IL1RAPL2: variants seen among roughly 807,000 people sequenced by gnomAD.
IL1RAPL2 encodes the protein interleukin 1 receptor accessory protein like 2, also known as X-linked interleukin-1 receptor accessory protein-like 2.
In IL1RAPL2, 3 loss-of-function variants were observed where a neutral mutation model predicts 44.1. That is an observed-to-expected ratio of 0.07 (90% CI 0.03 to 0.18). The LOEUF (loss-of-function observed/expected upper bound fraction) is 0.18. Among genes scored for constraint, IL1RAPL2 ranks in the 10% least tolerant of loss-of-function variants. The pLI is 1.00. For synonymous variants in IL1RAPL2, 181 were observed against 178.8 expected (o/e 1.01, Z -0.10); for missense variants, 391 against 496.4 (o/e 0.79, Z 2.02).
chrX:105,608,697 A>C (rs2037313613), intron 6 of IL1RAPL2, among the ~76,000 whole-genome samples: 1 of 112,370 alleles, frequency 8.9e-6, no homozygotes. Flanking sequence ...AGCACAAATT[A>C]GAAAACCTTC....
intron 5 of IL1RAPL2, among the ~76,000 whole-genome samples, chrX:105,340,808 A>G (rs1030483298): frequency 2.7e-5 from 3 of 111,819 alleles, no homozygotes; most frequent in Admixed American, 1.9e-4. Flanking sequence ...TCTTTGATGC[A>G]TATCATTTGT....
Position 105,717,395 on chromosome X carries a change from A to G in IL1RAPL2, c.801A>G (p.Ala267=). ...LGKPLNIPCK[A]FFGFSGESGP... The stretch of plus-strand genomic sequence containing the variant: ...AGCCTCTGAACATCCCCTGCAAAGC[A>G]TTCTTCGGATTCAGTGGAGAGTCTG... The change falls in exon 7 of 11, where the codon GCA becomes GCG. Residue 267 remains alanine, a synonymous_variant. Transcript: ENST00000372582. 8.3e-7 allele frequency: 1 copy of G among 1,202,308 alleles called. No homozygotes were observed. The highest frequency in any genetic ancestry group is 1.1e-6 in the Non-Finnish European group (1 of 889,783).
chrX:105,350,104 A>G (rs746202822), intron 5 of IL1RAPL2, among the ~76,000 whole-genome samples: 8 of 112,158 alleles, frequency 7.1e-5, no homozygotes, highest in African/African-American at 2.6e-4. Context: ...TTATGCCTCA[A>G]CTTTGGTGAT....
In IL1RAPL2 at chrX:105,116,975, A is replaced by G. The variant is rs921144946; in HGVS notation, c.83-78500A>G. Among the ~76,000 whole-genome samples, 7 of 112,427 alleles carry G rather than the reference A, an allele frequency of 6.2e-5. No homozygotes were observed. The East Asian group carries it at 2.0e-3, about 32-fold the overall frequency. Reference sequence around the variant, plus strand: ...CTCTTAAAATGTTAAGTTTTTCCCTAGAGAGCAATCTAGTACAATGAAATC... The same window carrying G: ...CTCTTAAAATGTTAAGTTTTTCCCTGGAGAGCAATCTAGTACAATGAAATC... On this transcript the variant is annotated intron_variant, in intron 2 of 10. Coordinates refer to ENST00000372582, the MANE Select transcript of IL1RAPL2 (RefSeq NM_017416.2).
At chrX:104,678,102 G>A (rs1056282408) in intron 2 of IL1RAPL2, among the ~76,000 whole-genome samples, 6 of 112,299 alleles carry the variant, frequency 5.3e-5, no homozygotes, top group East Asian at 2.8e-4. Context: ...GTTCCTATTC[G>A]GCCATCTTGG....
chrX:105,246,110 GCT>G (rs1269701160), intron 4 of IL1RAPL2, among the ~76,000 whole-genome samples: 1 of 112,071 alleles, frequency 8.9e-6, no homozygotes, highest in African/African-American at 3.2e-5. Flanking sequence ...TGAGTAAATA[GCT>G]CTTTCTCAAC....
At chrX:105,606,583 C>T (rs2037293998) in intron 6 of IL1RAPL2, among the ~76,000 whole-genome samples, 1 of 111,384 alleles carries the variant, frequency 9.0e-6, no homozygotes, top group African/African-American at 3.3e-5. Flanking sequence ...ATCAATGTAT[C>T]AAAGAGATAT....
chrX:104,628,217 A>G (rs1929557299), intron 1 of IL1RAPL2, among the ~76,000 whole-genome samples: 1 of 111,081 alleles, frequency 9.0e-6, no homozygotes, highest in Non-Finnish European at 1.9e-5. Context: ...CTTTCTGGCT[A>G]TTTTGAAATA....
chrX:104,601,612 C>T (rs764840935), intron 1 of IL1RAPL2, among the ~76,000 whole-genome samples: 9 of 111,733 alleles, frequency 8.1e-5, no homozygotes, highest in Non-Finnish European at 1.3e-4. Context: ...AGTGGCTGAA[C>T]TAATTTGCAT....
intron 5 of IL1RAPL2, among the ~76,000 whole-genome samples, chrX:105,318,784 ATTG>A (rs959553104): frequency 1.9e-4 from 21 of 111,073 alleles, no homozygotes; most frequent in African/African-American, 6.9e-4. Context: ...TACTCTCACT[ATTG>A]TTATCCATCA....
intron 6 of IL1RAPL2, among the ~76,000 whole-genome samples, chrX:105,686,793 C>T (rs925817780): frequency 7.2e-5 from 8 of 111,823 alleles, no homozygotes; most frequent in East Asian, 2.8e-4. Context: ...CCTCATTGCA[C>T]TTATTCTAAA....
chrX:105,129,642 G>T (rs1457613375), intron 2 of IL1RAPL2, among the ~76,000 whole-genome samples: 2 of 110,676 alleles, frequency 1.8e-5, no homozygotes, highest in African/African-American at 3.3e-5. Flanking sequence ...GAACCAGGAG[G>T]TATCTCAAAT....
At chrX:105,218,869 C>T (rs2033897415) in intron 3 of IL1RAPL2, 1 of 811,858 alleles carries the variant, frequency 1.2e-6, no homozygotes, top group Non-Finnish European at 1.8e-6. Flanking sequence ...CCTTCTTCCC[C>T]TACCACCCCG....
At chrX:105,287,212 A>G (rs1162961816) in intron 5 of IL1RAPL2, among the ~76,000 whole-genome samples, 1 of 111,905 alleles carries the variant, frequency 8.9e-6, no homozygotes, top group African/African-American at 3.2e-5. Context: ...GAGGAAGTAA[A>G]TCTTAAGCAG....
chrX:105,004,987 A>C, intron 2 of IL1RAPL2, among the ~76,000 whole-genome samples: 1 of 111,131 alleles, frequency 9.0e-6, no homozygotes, highest in Middle Eastern at 4.2e-3. Context: ...ATAATCTTCA[A>C]ACTGTGAAAT....
chrX:105,631,068 G>A (rs1225710220), intron 6 of IL1RAPL2, among the ~76,000 whole-genome samples: 2 of 111,278 alleles, frequency 1.8e-5, no homozygotes, highest in Non-Finnish European at 3.8e-5. Flanking sequence ...CAATTGTGGG[G>A]TAGAATTCCT....
At chrX:105,115,333 G>A (rs887373499) in intron 2 of IL1RAPL2, among the ~76,000 whole-genome samples, 7 of 111,497 alleles carry the variant, frequency 6.3e-5, no homozygotes, top group Admixed American at 5.7e-4. Context: ...GACCAGAACC[G>A]GTTGCCACTG....
intron 5 of IL1RAPL2, among the ~76,000 whole-genome samples, chrX:105,337,497 A>G (rs1230299844): frequency 8.9e-6 from 1 of 112,369 alleles, no homozygotes. Context: ...TGTTGCAAAT[A>G]CTGTGGATTA....
intron 2 of IL1RAPL2, among the ~76,000 whole-genome samples, chrX:104,668,242 G>C (rs1311912222): frequency 9.0e-6 from 1 of 110,918 alleles, no homozygotes; most frequent in African/African-American, 3.3e-5. Flanking sequence ...TGTTGGTTAA[G>C]GCGCTTTAGA....
Sources: gnomAD v4.1 joint callset for allele counts (sites outside exome capture counted in the v4.1 genomes callset) on GRCh38, gnomAD v4.1.1 for gene constraint, MANE v1.5 for transcripts, NCBI Gene and HGNC (gene_info 2026-07-23, HGNC 2026-07-21) for gene names.